AGBL1: variants seen among roughly 807,000 people sequenced by gnomAD.
AGBL1 encodes the protein cytosolic carboxypeptidase 4.
Under a neutral mutation model 118.9 loss-of-function variants are expected in AGBL1, and 130 were observed. The observed-to-expected ratio is 1.09, with a 90% CI of 0.95 to 1.26. The LOEUF (loss-of-function observed/expected upper bound fraction) is 1.26. Ranked by LOEUF, AGBL1 falls within the 50% of genes most tolerant of loss-of-function variation. The pLI is 0.00. For synonymous variants in AGBL1, 555 were observed against 478.9 expected (o/e 1.16, Z -2.08); for missense variants, 1,584 against 1,298.1 (o/e 1.22, Z -3.38).
At chr15:86,194,716 G>C (rs1373972652) in intron 5 of AGBL1, among the ~76,000 whole-genome samples, 2 of 152,170 alleles carry the variant, frequency 1.3e-5, no homozygotes, top group Non-Finnish European at 2.9e-5. Flanking sequence ...GAGGGAAGAT[G>C]GGCCAGTACT....
chr15:86,210,165 A>G (rs2078067287), intron 5 of AGBL1, among the ~76,000 whole-genome samples: 1 of 152,154 alleles, frequency 6.6e-6, no homozygotes. Flanking sequence ...TGGCTTGTAG[A>G]GTTTCTGCCA....
chr15:86,721,509 A>G (rs2086720628), intron 22 of AGBL1, among the ~76,000 whole-genome samples: 1 of 152,236 alleles, frequency 6.6e-6, no homozygotes, highest in Non-Finnish European at 1.5e-5. Context: ...TCAAAATAAT[A>G]AGAGCTATCT....
chr15:86,135,692 G>T (rs192467319), intron 1 of AGBL1, among the ~76,000 whole-genome samples: 6 of 152,278 alleles, frequency 3.9e-5, no homozygotes, highest in African/African-American at 1.2e-4. Context: ...CAAAAATCTT[G>T]CTCTAGAGGA....
intron 22 of AGBL1, among the ~76,000 whole-genome samples, chr15:86,710,483 A>G (rs973807726): frequency 6.6e-6 from 1 of 152,214 alleles, no homozygotes; most frequent in African/African-American, 2.4e-5. Context: ...GGCTCTGCTC[A>G]GCATTACATT....
At chr15:86,292,104 C>T (rs899126388) in intron 16 of AGBL1, among the ~76,000 whole-genome samples, 2 of 152,126 alleles carry the variant, frequency 1.3e-5, no homozygotes, top group Admixed American at 6.6e-5. Flanking sequence ...ATGTCCACAT[C>T]GCAATCCTGT....
intron 16 of AGBL1, among the ~76,000 whole-genome samples, chr15:86,284,193 A>T (rs1045567666): frequency 3.9e-4 from 12 of 30,730 alleles, no homozygotes; most frequent in East Asian, 1.1e-3. Flanking sequence ...AATTAAAATA[A>T]AAAAAAAAAA....
intron 5 of AGBL1, among the ~76,000 whole-genome samples, chr15:86,185,713 A>T (rs1442200953): frequency 1.4e-5 from 2 of 147,464 alleles, no homozygotes; most frequent in Non-Finnish European, 3.0e-5. Context: ...CAATGAGAAC[A>T]CTTGGACACA....
chr15:86,780,395 T>A, intron 22 of AGBL1, among the ~76,000 whole-genome samples: 1 of 152,222 alleles, frequency 6.6e-6, no homozygotes, highest in East Asian at 1.9e-4. Context: ...TCTCAATATC[T>A]TATTGGGTAT....
intron 21 of AGBL1, among the ~76,000 whole-genome samples, chr15:86,586,001 A>G (rs1362365767): frequency 6.6e-6 from 1 of 152,236 alleles, no homozygotes; most frequent in African/African-American, 2.4e-5. Flanking sequence ...GGTGATGTTC[A>G]GTGTCTATTT....
intron 18 of AGBL1, among the ~76,000 whole-genome samples, chr15:86,502,866 C>A (rs4343244): frequency 1.6e-4 from 24 of 151,258 alleles, no homozygotes; most frequent in Non-Finnish European, 3.1e-4. Context: ...ATCAGGGACA[C>A]TGTTCTGTAG....
chr15:86,410,193 T>C (rs34965279), intron 18 of AGBL1, among the ~76,000 whole-genome samples: 42,894 of 152,024 alleles, frequency 0.28, 6,716 homozygotes, highest in East Asian at 0.62. Flanking sequence ...CCACCAAAAC[T>C]GAGGAAGCTT....
intron 24 of AGBL1, among the ~76,000 whole-genome samples, chr15:87,005,250 G>T (rs2081486222): frequency 6.6e-6 from 1 of 152,144 alleles, no homozygotes; most frequent in African/African-American, 2.4e-5. Flanking sequence ...TTGCTAGATT[G>T]GGGAAGTTCT....
At chr15:86,428,775 G>A (rs1216311698) in intron 18 of AGBL1, among the ~76,000 whole-genome samples, 1 of 152,196 alleles carries the variant, frequency 6.6e-6, no homozygotes, top group East Asian at 1.9e-4. Flanking sequence ...AATAAATTAG[G>A]AATAAACTGA....
chr15:86,525,045 C>G (rs541885774), intron 19 of AGBL1, among the ~76,000 whole-genome samples: 89 of 152,154 alleles, frequency 5.8e-4, no homozygotes, highest in African/African-American at 2.0e-3. Flanking sequence ...TAACTGAATT[C>G]AGTAAAGTCT....
chr15:86,158,461 C>G (rs16948774), intron 4 of AGBL1, among the ~76,000 whole-genome samples: 20,311 of 152,130 alleles, frequency 0.13, 1,736 homozygotes, highest in East Asian at 0.23. Context: ...GTGGACTCCT[C>G]TTATTTTCTG....
chr15:86,195,192 A>G (rs1414728169), intron 5 of AGBL1, among the ~76,000 whole-genome samples: 2 of 152,194 alleles, frequency 1.3e-5, no homozygotes, highest in Non-Finnish European at 2.9e-5. Context: ...TTATAGATCT[A>G]TAGGAAAGAC....
intron 22 of AGBL1, among the ~76,000 whole-genome samples, chr15:86,725,213 C>G (rs562333385): frequency 6.6e-6 from 1 of 152,304 alleles, no homozygotes; most frequent in Admixed American, 6.5e-5. Flanking sequence ...GAACAAAATA[C>G]ATTGTTTCAT....
At chr15:86,810,396 A>T (rs1366955674) in intron 22 of AGBL1, among the ~76,000 whole-genome samples, 1 of 152,128 alleles carries the variant, frequency 6.6e-6, no homozygotes, top group Non-Finnish European at 1.5e-5. Context: ...GTCCAAAGAC[A>T]TGAAATTGCC....
At chr15:86,637,184 T>A (rs1435020080) in intron 21 of AGBL1, among the ~76,000 whole-genome samples, 2 of 152,018 alleles carry the variant, frequency 1.3e-5, no homozygotes, top group Non-Finnish European at 2.9e-5. Flanking sequence ...ACACAGGACA[T>A]ACACAAATAT....
Sources: gnomAD v4.1 joint callset for allele counts (sites outside exome capture counted in the v4.1 genomes callset) on GRCh38, gnomAD v4.1.1 for gene constraint, MANE v1.5 for transcripts, NCBI Gene and HGNC (gene_info 2026-07-23, HGNC 2026-07-21) for gene names.